CNTNAP2: variants seen among roughly 807,000 people sequenced by gnomAD.
The protein encoded by CNTNAP2 is contactin-associated protein-like 2.
Under a neutral mutation model 155.2 loss-of-function variants are expected in CNTNAP2, and 98 were observed. The ratio of observed to expected loss-of-function variants is 0.63; its 90% CI spans 0.54 to 0.75. The LOEUF is 0.75. Ranked by LOEUF, CNTNAP2 falls within the 30% of genes least tolerant of loss-of-function variation. The pLI is 0.00. For missense variants in CNTNAP2, 1,727 were observed against 1,688.1 expected (o/e 1.02, Z -0.40); for synonymous variants, 651 against 631.2 (o/e 1.03, Z -0.47).
intron 3 of CNTNAP2, among the ~76,000 whole-genome samples, chr7:146,854,713 A>G (rs1255807887): frequency 1.3e-5 from 2 of 152,270 alleles, no homozygotes; most frequent in East Asian, 1.9e-4. Flanking sequence ...TGAAGAGGGT[A>G]TTTCTAAAGA....
intron 13 of CNTNAP2, among the ~76,000 whole-genome samples, chr7:147,800,882 A>G (rs558263425): frequency 6.6e-6 from 1 of 152,326 alleles, no homozygotes; most frequent in South Asian, 2.1e-4. Context: ...TGCCTGCAGT[A>G]TTCAGTACAG....
At chr7:147,931,836 A>G (rs570280839) in intron 14 of CNTNAP2, among the ~76,000 whole-genome samples, 10 of 152,218 alleles carry the variant, frequency 6.6e-5, no homozygotes, top group African/African-American at 2.4e-4. Flanking sequence ...TTTCAATGCA[A>G]TCCCTATCAA....
rs78299090 is a variant in CNTNAP2, at chr7:146,992,405, A to G, written c.403-51502A>G. ...GAAACAGTGTTCTTGTCACACAACC[A>G]TGAAAAATTAGGCTCACAGACACTT... On this transcript the variant is annotated intron_variant, in intron 3 of 23. Transcript: ENST00000361727. Among the ~76,000 whole-genome samples the G allele has an allele frequency of 1.4e-3, 208 of 152,324 alleles. 6 individuals are homozygous for G. In the East Asian group the frequency reaches 0.028, roughly 21 times the overall value.
chr7:147,044,737 G>A (rs557220021), intron 4 of CNTNAP2, among the ~76,000 whole-genome samples: 1 of 151,990 alleles, frequency 6.6e-6, no homozygotes, highest in Admixed American at 6.6e-5. Context: ...TTTGCAAATG[G>A]TACTTGTTTT....
intron 16 of CNTNAP2, among the ~76,000 whole-genome samples, chr7:148,139,433 G>A (rs1427973588): frequency 6.6e-6 from 1 of 152,210 alleles, no homozygotes; most frequent in South Asian, 2.1e-4. Context: ...GTGTCTCTCA[G>A]CCTCAGTTTC....
chr7:146,213,041 G>A (rs1417411704), intron 1 of CNTNAP2, among the ~76,000 whole-genome samples: 1 of 152,186 alleles, frequency 6.6e-6, no homozygotes, highest in African/African-American at 2.4e-5. Flanking sequence ...TACTGTAGAA[G>A]TGTCCTTGGA....
chr7:146,484,980 CT>C (rs755629072), intron 1 of CNTNAP2, among the ~76,000 whole-genome samples: 2 of 152,064 alleles, frequency 1.3e-5, no homozygotes, highest in Non-Finnish European at 1.5e-5. Flanking sequence ...GATAAAAAAG[CT>C]TTTATTATAG....
chr7:146,640,084 C>G (rs1247223283), intron 1 of CNTNAP2, among the ~76,000 whole-genome samples: 1 of 152,172 alleles, frequency 6.6e-6, no homozygotes, highest in Non-Finnish European at 1.5e-5. Context: ...TGTTCTAATT[C>G]TGGGGATTAT....
chr7:146,686,188 T>C (rs914324831), intron 1 of CNTNAP2, among the ~76,000 whole-genome samples: 2 of 151,966 alleles, frequency 1.3e-5, no homozygotes, highest in Admixed American at 1.3e-4. Flanking sequence ...TGTATTACCT[T>C]GGGAAGCTGA....
At chr7:147,770,501 G>A (rs1797453090) in intron 13 of CNTNAP2, among the ~76,000 whole-genome samples, 1 of 152,144 alleles carries the variant, frequency 6.6e-6, no homozygotes, top group Non-Finnish European at 1.5e-5. Flanking sequence ...GGAACTGTTT[G>A]TGTATTTGCT....
At chr7:147,885,746 C>A (rs1799590984) in intron 13 of CNTNAP2, among the ~76,000 whole-genome samples, 2 of 152,180 alleles carry the variant, frequency 1.3e-5, no homozygotes, top group Admixed American at 1.3e-4. Flanking sequence ...ACCCTTGGAA[C>A]ACTGGAACAT....
chr7:147,632,468 C>T (rs530375167), intron 12 of CNTNAP2, among the ~76,000 whole-genome samples: 1 of 152,280 alleles, frequency 6.6e-6, no homozygotes, highest in East Asian at 1.9e-4. Context: ...AGGGGCTTTT[C>T]TGCCTTTGCG....
At chr7:146,534,260 G>T (rs970090049) in intron 1 of CNTNAP2, among the ~76,000 whole-genome samples, 1 of 152,022 alleles carries the variant, frequency 6.6e-6, no homozygotes, top group Admixed American at 6.6e-5. Context: ...ATACTTTCTC[G>T]TATTCTGGGT....
chr7:148,280,263 T>TAGGTG (rs1796948521), intron 21 of CNTNAP2, among the ~76,000 whole-genome samples: 5 of 152,080 alleles, frequency 3.3e-5, no homozygotes. Flanking sequence ...TGAGCCAAGA[T>TAGGTG]CATGCTACTG....
chr7:147,282,601 A>G (rs1001491426), intron 8 of CNTNAP2, among the ~76,000 whole-genome samples: 3 of 151,928 alleles, frequency 2.0e-5, no homozygotes, highest in African/African-American at 7.2e-5. Context: ...ATTTAAATAC[A>G]GGGAAGATGA....
At chr7:147,727,477 C>T (rs1431369719) in intron 13 of CNTNAP2, among the ~76,000 whole-genome samples, 1 of 152,032 alleles carries the variant, frequency 6.6e-6, no homozygotes, top group African/African-American at 2.4e-5. Context: ...CAATTCATCA[C>T]ATTTAATTAT....
intron 14 of CNTNAP2, among the ~76,000 whole-genome samples, chr7:147,962,430 C>A (rs1470931607): frequency 6.6e-6 from 1 of 152,168 alleles, no homozygotes; most frequent in Non-Finnish European, 1.5e-5. Context: ...CTGTCTTGAA[C>A]TATTTCCTGT....
rs957340708 is a variant in CNTNAP2 at position 146,837,744 on chromosome 7, C to G, written c.209-1967C>G. Among the ~76,000 whole-genome samples the G allele has an allele frequency of 8.5e-5, 13 of 152,110 alleles. 1 individual carries two copies. Among genetic ancestry groups the G allele is most frequent in the Admixed American group, 1.3e-4 (2 of 15,258 alleles). ...AATTTTTGGTCAGATTTATCTTTTT[C>G]AGTAACCTTTGCTCAGGTGTGTCCA... On this transcript the variant is annotated intron_variant, in intron 2 of 23. Transcript: ENST00000361727.
chr7:146,826,739 T>C (rs554245063), intron 2 of CNTNAP2, among the ~76,000 whole-genome samples: 31 of 151,956 alleles, frequency 2.0e-4, no homozygotes, highest in African/African-American at 7.0e-4. Context: ...TTTAATACAA[T>C]CCAAGGATTT....
Sources: allele counts gnomAD v4.1 joint callset (sites outside exome capture counted in the v4.1 genomes callset), GRCh38; gene constraint gnomAD v4.1.1; transcripts MANE v1.5; gene names NCBI Gene and HGNC (gene_info 2026-07-23, HGNC 2026-07-21).